The following PCF11 variants were observed in gnomAD, a reference collection of about 807,000 sequenced individuals.
PCF11 encodes the protein pre-mRNA cleavage complex 2 protein Pcf11.
PCF11 carries 19 observed loss-of-function variants against 166.1 expected under a neutral mutation model. The ratio of observed to expected loss-of-function variants is 0.11; its 90% CI spans 0.08 to 0.17. The LOEUF is 0.17. PCF11 is among the 10% of genes least tolerant of loss of function. PCF11 has a pLI of 1.00. For missense variants in PCF11, 1,565 were observed against 1,855.5 expected (o/e 0.84, Z 2.88); for synonymous variants, 663 against 644.1 (o/e 1.03, Z -0.44).
rs73512648 is a variant in PCF11 at position 83,159,947 on chromosome 11, A to G, written c.193-1380A>G. Among the ~76,000 whole-genome samples the G allele has an allele frequency of 1.1e-3, 173 of 152,336 alleles. 1 individual carries two copies. The highest frequency in any genetic ancestry group is 4.0e-3 in the African/African-American group (167 of 41,568). ...TTAAGAGAGCCTGTTTATCTTCATA[A>G]GTACAATAATGACTAAAATGGTGTA... On this transcript the variant is annotated intron_variant, in intron 1 of 15. Coordinates refer to ENST00000298281, the Ensembl canonical transcript of PCF11.
intron 15 of PCF11, 109 bp downstream of exon 15, chr11:83,183,182 G>T (rs2135449296): frequency 3.2e-6 from 2 of 625,660 alleles, no homozygotes; most frequent in East Asian, 3.2e-5. Context: ...TTAATATATT[G>T]AACTGTTTTT....
At chr11:83,173,322 G>A (rs1468101599) in intron 9 of PCF11, among the ~76,000 whole-genome samples, 1 of 152,124 alleles carries the variant, frequency 6.6e-6, no homozygotes, top group African/African-American at 2.4e-5. Flanking sequence ...GGGTGTGGTG[G>A]TGCATGCCTG....
intron 11 of PCF11, chr11:83,180,162 C>T (rs1159455212): frequency 1.4e-5 from 2 of 147,236 alleles, no homozygotes; most frequent in Non-Finnish European, 3.0e-5. Flanking sequence ...GATCTTGGCT[C>T]ACTGCATCCT....
chr11:83,162,703 T>G (rs1244321431), intron 2 of PCF11, among the ~76,000 whole-genome samples: 3 of 152,244 alleles, frequency 2.0e-5, no homozygotes, highest in Non-Finnish European at 2.9e-5. Flanking sequence ...GGCTTTACTG[T>G]CTATCCTAAT....
At chr11:83,171,692 C>G in intron 8 of PCF11, 126 bp from the exon 9 acceptor site, 1 of 668,632 alleles carries the variant, frequency 1.5e-6, no homozygotes, top group South Asian at 1.7e-5. Flanking sequence ...GCCAAGTTAT[C>G]TTTCTAAATC....
At chr11:83,170,142 A>G (rs909265427) in intron 8 of PCF11, 147 bp downstream of exon 8, 3 of 614,910 alleles carry the variant, frequency 4.9e-6, no homozygotes, top group Non-Finnish European at 7.6e-6. Context: ...AGGAAGTGGG[A>G]TGAGCATCTT....
intron 12 of PCF11, among the ~76,000 whole-genome samples, 160 bp downstream of exon 12, chr11:83,181,351 T>C (rs957802274): frequency 2.0e-5 from 3 of 151,540 alleles, no homozygotes; most frequent in Non-Finnish European, 4.4e-5. Flanking sequence ...GAATAAAATT[T>C]GACCCCTAGA....
exon 4 of PCF11, chr11:83,164,210 G>A (rs1391506247): frequency 4.4e-6 from 7 of 1,603,418 alleles, no homozygotes; most frequent in Non-Finnish European, 5.1e-6. Flanking sequence ...CTTATAGCCC[G>A]AGGAGCCTTC....
exon 16 of PCF11, chr11:83,185,263 A>T (rs904268695): frequency 1.3e-5 from 2 of 158,394 alleles, no homozygotes; most frequent in Non-Finnish European, 2.8e-5. Flanking sequence ...TATTGGGTAA[A>T]AATGGAATTG....
intron 1 of PCF11, among the ~76,000 whole-genome samples, chr11:83,159,363 C>T (rs1860138210): frequency 1.3e-5 from 2 of 152,114 alleles, no homozygotes; most frequent in South Asian, 4.1e-4. Flanking sequence ...AAGGCAAAAA[C>T]ATTGATTTTT....
At chr11:83,168,857 C>G (rs1860570774) in exon 8 of PCF11, 7 of 1,613,386 alleles carry the variant, frequency 4.3e-6, no homozygotes, top group Non-Finnish European at 5.9e-6. Context: ...ATTGGTCAAG[C>G]AGGAGGAGGT....
chr11:83,183,905 C>G (rs1861172869), intron 15 of PCF11, among the ~76,000 whole-genome samples: 1 of 151,348 alleles, frequency 6.6e-6, no homozygotes, highest in African/African-American at 2.4e-5. Flanking sequence ...AATCCCAGCA[C>G]TTTTGGGAGG....
chr11:83,167,827 G>A lies in PCF11; in HGVS notation c.2092+322G>A. 2.3e-6 allele frequency: 3 copies of A among 1,327,672 alleles called. No homozygotes were observed. The Middle Eastern group carries it at 6.1e-4, about 272-fold the overall frequency. The allele number at this position is 1,327,672 out of a possible 1,614,324, so 82.2% of individuals were successfully genotyped here. A position where few individuals can be genotyped will look rare whatever the true frequency, so the allele number is the denominator to read the frequency against. ...AGACGTCTTTCTCCTATATCTGGGA[G>A]TCGTACTTATGCTGAGAATCTTTCA... On this transcript the variant is annotated intron_variant, in intron 7 of 15. Coordinates refer to ENST00000298281, the Ensembl canonical transcript of PCF11. This position sits in a 1 kb window ranked among gnomAD's most constrained non-coding sequence, Gnocchi z 4.2.
chr11:83,185,329 G>A (rs1367962302), exon 16 of PCF11: 1 of 153,550 alleles, frequency 6.5e-6, no homozygotes, highest in Admixed American at 6.5e-5. Flanking sequence ...GATTAAAGAA[G>A]CAAGTTTGAG....
At chr11:83,184,548 G>A (rs1861204750) in intron 15 of PCF11, 131 bp from the exon 16 acceptor site, 2 of 640,006 alleles carry the variant, frequency 3.1e-6, no homozygotes, top group Non-Finnish European at 2.7e-6. Context: ...TTTGTTGGGA[G>A]GCAGGTGTTT....
chr11:83,167,083 A>G lies in PCF11; in HGVS notation c.1818-42A>G, dbSNP rs187857749. ...TTAAATATGGTCCTGAGTATTTTTTAAAAAAACATTTCAATGTAACATACT... is the reference window on the plus strand; with the variant it reads ...TTAAATATGGTCCTGAGTATTTTTTGAAAAAACATTTCAATGTAACATACT... On this transcript the variant is annotated intron_variant, in intron 5 of 15. Coordinates refer to ENST00000298281, the Ensembl canonical transcript of PCF11. This position sits in a 1 kb window ranked among gnomAD's most constrained non-coding sequence, Gnocchi z 4.2. 1.3e-6 allele frequency: 2 copies of G among 1,488,372 alleles called. No homozygotes were observed. The highest frequency in any genetic ancestry group is 2.5e-5 in the South Asian group (2 of 78,440). The allele number at this position is 1,488,372 out of a possible 1,614,324, so 92.2% of individuals were successfully genotyped here. A position where few individuals can be genotyped will look rare whatever the true frequency, so the allele number is the denominator to read the frequency against.
chr11:83,168,477 G>C (rs1468418755), exon 8 of PCF11: 1 of 1,611,948 alleles, frequency 6.2e-7, no homozygotes, highest in East Asian at 2.2e-5. Flanking sequence ...TTCCACTTAA[G>C]CGACCTCGAT....
rs889164533 is a variant in PCF11 at position 83,168,703 on chromosome 11, C to T, written c.2368C>T (p.Arg790Trp). ...TGGACCTCCCACACCAGCTTCTCTT[C>T]GGTTTGATGGGTCACCAGGACAAAT... The change falls in exon 8 of 16, where the codon CGG becomes TGG. Residue 790 changes from arginine (R) to tryptophan (W), a missense_variant. Arg to Trp is a moderately radical substitution (Grantham distance 101). Transcript: ENST00000298281. 40 of 1,613,806 alleles carry T rather than the reference C, an allele frequency of 2.5e-5. No homozygotes were observed. Among genetic ancestry groups the T allele is most frequent in the Admixed American group, 5.0e-5 (3 of 59,988 alleles).
exon 16 of PCF11, chr11:83,184,989 A>G (rs1861231274): frequency 5.3e-6 from 4 of 761,822 alleles, no homozygotes; most frequent in Non-Finnish European, 8.2e-6. Context: ...ACATATCTAT[A>G]TAAATTGTCT....
Sources: gnomAD v4.1 joint callset for allele counts (sites outside exome capture counted in the v4.1 genomes callset) on GRCh38, gnomAD v4.1.1 for gene constraint, Gnocchi (gnomAD v3.1) non-coding constraint, MANE v1.5 for transcripts, NCBI Gene and HGNC (gene_info 2026-07-23, HGNC 2026-07-21) for gene names.